The following KCTD8 variants were observed in gnomAD, a reference collection of about 807,000 sequenced individuals.
KCTD8 encodes the protein BTB/POZ domain-containing protein KCTD8.
A neutral mutation model predicts 31.5 loss-of-function variants in KCTD8; 27 were observed. The ratio of observed to expected loss-of-function variants is 0.86; its 90% CI spans 0.63 to 1.18. The LOEUF (loss-of-function observed/expected upper bound fraction) is 1.18, where lower values mean the gene tolerates loss of function less well. Among genes scored for constraint, KCTD8 ranks in the 50% most tolerant of loss-of-function variants. The pLI, the probability that KCTD8 is intolerant of heterozygous loss-of-function variation, is 0.00. For missense variants in KCTD8, 658 were observed against 647.7 expected (o/e 1.02, Z -0.17); for synonymous variants, 290 against 280.0 (o/e 1.04, Z -0.36).
At chr4:44,249,224 G>A (rs1197816829) in intron 1 of KCTD8, among the ~76,000 whole-genome samples, 1 of 151,652 alleles carries the variant, frequency 6.6e-6, no homozygotes. Context: ...AGAAATATAG[G>A]TTAATGAATT....
chr4:44,223,498 G>A (rs762132817), intron 1 of KCTD8, among the ~76,000 whole-genome samples: 1 of 152,120 alleles, frequency 6.6e-6, no homozygotes, highest in Non-Finnish European at 1.5e-5. Context: ...TCATGCTTTT[G>A]CACTCTCCAT....
At chr4:44,405,241 T>TTTTA (rs1720759450) in intron 1 of KCTD8, among the ~76,000 whole-genome samples, 1 of 149,296 alleles carries the variant, frequency 6.7e-6, no homozygotes, top group African/African-American at 2.5e-5. Flanking sequence ...AGCCAGGTGT[T>TTTTA]TTTGTTTGTT....
chr4:44,203,988 G>A (rs1176182186), intron 1 of KCTD8, among the ~76,000 whole-genome samples: 4 of 151,718 alleles, frequency 2.6e-5, no homozygotes, highest in African/African-American at 9.7e-5. Context: ...AAATATCTGG[G>A]GAGATGATAA....
At chr4:44,234,176 G>A (rs1446640146) in intron 1 of KCTD8, among the ~76,000 whole-genome samples, 1 of 152,120 alleles carries the variant, frequency 6.6e-6, no homozygotes, top group Non-Finnish European at 1.5e-5. Context: ...GGAAACTGAG[G>A]TGGGGCAATT....
chr4:44,310,888 T>C (rs1240429370), intron 1 of KCTD8, among the ~76,000 whole-genome samples: 1 of 152,120 alleles, frequency 6.6e-6, no homozygotes, highest in Admixed American at 6.6e-5. Context: ...GTAAAATACA[T>C]TAACCCTTAT....
At chr4:44,338,420 T>C (rs889011395) in intron 1 of KCTD8, among the ~76,000 whole-genome samples, 1 of 152,148 alleles carries the variant, frequency 6.6e-6, no homozygotes, top group South Asian at 2.1e-4. Flanking sequence ...CTAGGAAAAC[T>C]ATTCAGTAAA....
intron 1 of KCTD8, among the ~76,000 whole-genome samples, chr4:44,399,793 G>A (rs187076259): frequency 2.6e-4 from 40 of 152,238 alleles, no homozygotes; most frequent in African/African-American, 9.4e-4. Context: ...AAAGAAGAAG[G>A]CCCAAACTTA....
At chr4:44,262,925 G>A (rs998325235) in intron 1 of KCTD8, among the ~76,000 whole-genome samples, 1 of 152,036 alleles carries the variant, frequency 6.6e-6, no homozygotes, top group East Asian at 1.9e-4. Flanking sequence ...ATTGTAATTG[G>A]TATGAAAACT....
At chr4:44,337,573 C>A (rs1315216920) in intron 1 of KCTD8, among the ~76,000 whole-genome samples, 1 of 151,410 alleles carries the variant, frequency 6.6e-6, no homozygotes, top group Non-Finnish European at 1.5e-5. Context: ...ACTCAGGAGG[C>A]TGAGGCAGAA....
At chr4:44,265,791 C>G (rs1716331327) in intron 1 of KCTD8, among the ~76,000 whole-genome samples, 1 of 152,014 alleles carries the variant, frequency 6.6e-6, no homozygotes, top group Non-Finnish European at 1.5e-5. Flanking sequence ...GAAAGGGTAT[C>G]AGCCATGGAA....
At chr4:44,352,209 T>G (rs1719221948) in intron 1 of KCTD8, among the ~76,000 whole-genome samples, 3 of 151,990 alleles carry the variant, frequency 2.0e-5, no homozygotes, top group Admixed American at 2.0e-4. Flanking sequence ...TACACTGAAA[T>G]CATGCATATT....
chr4:44,402,850 C>T (rs1560446261), intron 1 of KCTD8, among the ~76,000 whole-genome samples: 2 of 152,132 alleles, frequency 1.3e-5, no homozygotes, highest in South Asian at 2.1e-4. Flanking sequence ...ATTATGTGAG[C>T]CATCCAGAGT....
chr4:44,389,020 C>A (rs1202959504), intron 1 of KCTD8, among the ~76,000 whole-genome samples: 1 of 151,588 alleles, frequency 6.6e-6, no homozygotes, highest in African/African-American at 2.4e-5. Context: ...ATAAGCCAGG[C>A]ACAGAAAGAC....
At chr4:44,226,389 GCAT>G (rs2109350455) in intron 1 of KCTD8, among the ~76,000 whole-genome samples, 2 of 152,244 alleles carry the variant, frequency 1.3e-5, no homozygotes, top group Non-Finnish European at 2.9e-5. Context: ...TGTTATGGCT[GCAT>G]AGTATTCCAT....
chr4:44,324,409 TAAC>T (rs1377050603), intron 1 of KCTD8, among the ~76,000 whole-genome samples: 1 of 152,040 alleles, frequency 6.6e-6, no homozygotes, highest in Non-Finnish European at 1.5e-5. Flanking sequence ...AGTTTAGTCT[TAAC>T]AATTGCAGAA....
rs1553890661 is a variant in KCTD8, at chr4:44,176,860, C to CTATCTATCTATCT, written c.962-1611_962-1610insAGATAGATAGATA. On this transcript the variant is annotated intron_variant, in intron 1 of 1. Coordinates refer to ENST00000360029, the MANE Select transcript of KCTD8 (RefSeq NM_198353.3). The stretch of plus-strand genomic sequence containing the variant: ...AAGAAACATAAAGTATATATGTCTA[C>CTATCTATCTATCT]ATCTATCTATCTATCTATCTATCTA... 1.4e-3 allele frequency among the ~76,000 whole-genome samples: 211 copies of CTATCTATCTATCT among 148,472 alleles called. 1 individual carries two copies. The highest frequency in any genetic ancestry group is 3.7e-3 in the African/African-American group (147 of 40,028).
intron 1 of KCTD8, among the ~76,000 whole-genome samples, chr4:44,194,005 TAG>T (rs1466814553): frequency 6.6e-6 from 1 of 152,036 alleles, no homozygotes; most frequent in Non-Finnish European, 1.5e-5. Context: ...AGAGAAAGAA[TAG>T]AGAGGATGAA....
chr4:44,369,677 G>C (rs1719733399), intron 1 of KCTD8, among the ~76,000 whole-genome samples: 1 of 152,088 alleles, frequency 6.6e-6, no homozygotes, highest in African/African-American at 2.4e-5. Flanking sequence ...CATGCTTGCA[G>C]ACCCAGCTAC....
At chr4:44,429,729 T>C (rs1721428746) in intron 1 of KCTD8, among the ~76,000 whole-genome samples, 1 of 151,720 alleles carries the variant, frequency 6.6e-6, no homozygotes, top group Non-Finnish European at 1.5e-5. Flanking sequence ...AGATGTTGAA[T>C]GTCCAAAAAT....
Sources: gnomAD v4.1 joint callset for allele counts (sites outside exome capture counted in the v4.1 genomes callset) on GRCh38, gnomAD v4.1.1 for gene constraint, MANE v1.5 for transcripts, NCBI Gene and HGNC (gene_info 2026-07-23, HGNC 2026-07-21) for gene names.